GMDS: variants seen among roughly 807,000 people sequenced by gnomAD.
GMDS encodes the protein GDP-mannose 4,6 dehydratase.
GMDS carries 20 observed loss-of-function variants against 49.9 expected under a neutral mutation model. That is an observed-to-expected ratio of 0.40 (90% confidence interval 0.28 to 0.58). GMDS has a LOEUF of 0.58. Among genes scored for constraint, GMDS ranks in the 20% least tolerant of loss-of-function variants. The pLI, the probability that GMDS is intolerant of heterozygous loss-of-function variation, is 0.42. For synonymous variants in GMDS, 177 were observed against 178.6 expected (o/e 0.99, Z 0.07); for missense variants, 362 against 481.4 (o/e 0.75, Z 2.32).
At chr6:1,713,125 C>T (rs1163896287) in intron 9 of GMDS, among the ~76,000 whole-genome samples, 1 of 152,254 alleles carries the variant, frequency 6.6e-6, no homozygotes, top group Non-Finnish European at 1.5e-5. Context: ...AGTGGCCACT[C>T]TCAAGGACAA....
chr6:2,184,105 T>C (rs969551687), intron 1 of GMDS, among the ~76,000 whole-genome samples: 3 of 152,194 alleles, frequency 2.0e-5, no homozygotes, highest in African/African-American at 7.2e-5. Flanking sequence ...TGGAACCAAA[T>C]CTACAATATC....
In GMDS at chr6:2,090,320, T is replaced by C. The variant is rs181963214; in HGVS notation, c.345+25451A>G. ...ATCCGATGGTAAAGAGTAGGAAACA[T>C]GTATAAGAAATTCCTATACTTCGGA... is the stretch of plus-strand genomic sequence containing the variant. On this transcript the variant is annotated intron_variant, in intron 4 of 10. Transcript: ENST00000380815. Among the ~76,000 whole-genome samples, 35 of 152,284 alleles carry C rather than the reference T, an allele frequency of 2.3e-4. No homozygotes were observed. In the East Asian group the frequency reaches 6.4e-3, roughly 28 times the overall value.
At chr6:1,628,410 A>G (rs967671071) in intron 9 of GMDS, among the ~76,000 whole-genome samples, 2 of 152,142 alleles carry the variant, frequency 1.3e-5, no homozygotes, top group Admixed American at 1.3e-4. Flanking sequence ...TAACACATTT[A>G]TTGCCTGGGA....
chr6:2,167,401 T>G (rs1777721729), intron 1 of GMDS, among the ~76,000 whole-genome samples: 1 of 152,184 alleles, frequency 6.6e-6, no homozygotes, highest in African/African-American at 2.4e-5. Context: ...TATACTAGTT[T>G]CCTTACTGGT....
At position 1,788,799 on chromosome 6, in the gene GMDS, T is replaced by C. The variant is rs74995295; in HGVS notation, c.772-46213A>G. Among the ~76,000 whole-genome samples, 609 of 152,346 alleles carry C rather than the reference T, an allele frequency of 4.0e-3. 4 individuals carry two copies. The highest frequency in any genetic ancestry group is 6.7e-3 in the Non-Finnish European group (455 of 68,038). On this transcript the variant is annotated intron_variant, in intron 7 of 10. Transcript: ENST00000380815. Reference sequence around the variant, plus strand: ...ATTTTAGTTAAAATAAAAAAATTAATTAACTTAGATCTCTGGACACCCTTT... The same window carrying C: ...ATTTTAGTTAAAATAAAAAAATTAACTAACTTAGATCTCTGGACACCCTTT...
intron 7 of GMDS, among the ~76,000 whole-genome samples, chr6:1,862,870 T>C (rs545048023): frequency 3.9e-5 from 6 of 152,334 alleles, no homozygotes; most frequent in Non-Finnish European, 8.8e-5. Context: ...TGAGTAAGTC[T>C]TTCAAGCAAC....
chr6:1,724,917 T>C (rs912056395), intron 9 of GMDS, among the ~76,000 whole-genome samples: 12 of 152,202 alleles, frequency 7.9e-5, no homozygotes, highest in African/African-American at 2.9e-4. Flanking sequence ...GCCCTACCTC[T>C]CCCAAGCACT....
chr6:1,771,635 C>T (rs1380278563), intron 7 of GMDS, among the ~76,000 whole-genome samples: 1 of 152,226 alleles, frequency 6.6e-6, no homozygotes, highest in African/African-American at 2.4e-5. Flanking sequence ...ATGCAGATGT[C>T]ATTTGTTCCT....
At chr6:1,889,426 G>A (rs998400432) in intron 7 of GMDS, among the ~76,000 whole-genome samples, 1 of 152,050 alleles carries the variant, frequency 6.6e-6, no homozygotes, top group Non-Finnish European at 1.5e-5. Flanking sequence ...CGTGCTCCCA[G>A]GTTCTGCATT....
intron 7 of GMDS, among the ~76,000 whole-genome samples, chr6:1,819,755 T>A (rs1330795850): frequency 1.7e-5 from 2 of 114,556 alleles, no homozygotes; most frequent in African/African-American, 7.1e-5. Context: ...AGTGAGACTC[T>A]GCCTCAAAAA....
At chr6:2,072,677 C>A (rs1243147180) in intron 4 of GMDS, among the ~76,000 whole-genome samples, 1 of 152,148 alleles carries the variant, frequency 6.6e-6, no homozygotes, top group Non-Finnish European at 1.5e-5. Context: ...GGAACAAAAT[C>A]AATAGAAGCC....
intron 7 of GMDS, among the ~76,000 whole-genome samples, chr6:1,802,685 CAT>C (rs1473786030): frequency 1.3e-5 from 2 of 152,232 alleles, no homozygotes; most frequent in Admixed American, 6.5e-5. Context: ...CCAGCAAAAA[CAT>C]GTGTTATGCG....
intron 4 of GMDS, among the ~76,000 whole-genome samples, chr6:1,971,628 G>A (rs1235743287): frequency 1.3e-5 from 2 of 152,096 alleles, no homozygotes; most frequent in African/African-American, 2.4e-5. Flanking sequence ...ATCCCCAAAC[G>A]CACCCTGCTC....
intron 9 of GMDS, among the ~76,000 whole-genome samples, chr6:1,682,315 C>T (rs1440748629): frequency 1.3e-5 from 2 of 152,212 alleles, no homozygotes; most frequent in African/African-American, 2.4e-5. Flanking sequence ...CAGAAAGAGG[C>T]AGCAGTGTCT....
At chr6:1,955,127 C>T (rs534951286) in intron 6 of GMDS, among the ~76,000 whole-genome samples, 29 of 152,026 alleles carry the variant, frequency 1.9e-4, no homozygotes, top group African/African-American at 6.8e-4. Flanking sequence ...GGTTGCCACA[C>T]ACCTTCAGTA....
chr6:1,675,210 A>G (rs1049380499), intron 9 of GMDS, among the ~76,000 whole-genome samples: 2 of 152,060 alleles, frequency 1.3e-5, no homozygotes, highest in African/African-American at 2.4e-5. Context: ...GTGCTGATAC[A>G]TTGTTTTAAA....
chr6:1,688,875 C>T (rs1272891935), intron 9 of GMDS, among the ~76,000 whole-genome samples: 6 of 152,080 alleles, frequency 3.9e-5, no homozygotes, highest in Non-Finnish European at 7.4e-5. Context: ...CATATTCCTG[C>T]AAGTTTTGGA....
intron 4 of GMDS, among the ~76,000 whole-genome samples, chr6:2,089,963 T>C (rs1773226158): frequency 6.6e-6 from 1 of 152,156 alleles, no homozygotes; most frequent in Non-Finnish European, 1.5e-5. Context: ...GACCCTTTGA[T>C]TTCTGTGCCT....
intron 4 of GMDS, among the ~76,000 whole-genome samples, chr6:2,112,950 G>A (rs926160328): frequency 8.6e-5 from 13 of 151,872 alleles, no homozygotes; most frequent in East Asian, 3.9e-4. Context: ...TCCTCTACCC[G>A]TCTTTCTCCA....
Sources: gnomAD v4.1 joint callset for allele counts (sites outside exome capture counted in the v4.1 genomes callset) on GRCh38, gnomAD v4.1.1 for gene constraint, MANE v1.5 for transcripts, NCBI Gene and HGNC (gene_info 2026-07-23, HGNC 2026-07-21) for gene names.